The following RC3H1 variants were observed in gnomAD, a reference collection of about 807,000 sequenced individuals.
The protein encoded by RC3H1 is roquin-1.
In RC3H1, 50 loss-of-function variants were observed where a neutral mutation model predicts 138.2. The observed-to-expected ratio is 0.36, with a 90% CI of 0.29 to 0.46. The LOEUF (loss-of-function observed/expected upper bound fraction) is 0.46, where lower values mean the gene tolerates loss of function less well. RC3H1 is among the 20% of genes least tolerant of loss of function. The pLI, the probability that RC3H1 is intolerant of heterozygous loss-of-function variation, is 1.00. For missense variants in RC3H1, 1,031 were observed against 1,388.1 expected (o/e 0.74, Z 4.09); for synonymous variants, 462 against 489.1 (o/e 0.94, Z 0.73).
chr1:173,947,433 C>T lies in RC3H1; in HGVS notation c.2673G>A (p.Gln891=). The part of the protein sequence containing the change: ...AISRTSKTIY[Q]GAGPMQAMAP... ...CCATAGCCTGCATTGGACCAGCACC[C>T]TGATATATAGTTTTGGAAGTTCGTG... The change falls in exon 15 of 20, where the codon CAG becomes CAA. Residue 891 remains glutamine (Q), a synonymous_variant. Coordinates refer to ENST00000367696, the MANE Select transcript of RC3H1 (RefSeq NM_172071.4). 1.2e-6 allele frequency: 2 copies of T among 1,614,046 alleles called. No individual in the cohort carries two copies. The highest frequency in any genetic ancestry group is 2.2e-5 in the South Asian group (2 of 91,068).
In RC3H1 at chr1:174,017,783, C is replaced by CAAAAAAAAAAAAAAAAAAA. The variant is rs61239660; in HGVS notation, c.-151+4294_-151+4312dup. On this transcript the variant is annotated intron_variant, in intron 1 of 19. Transcript: ENST00000367696. Reference sequence around the variant, plus strand: ...ACCCCTTTAGAACTCTTTTCTTGCTCAAAAAAAAAAAAAAAAAAAAAAAAA... The same window carrying CAAAAAAAAAAAAAAAAAAA: ...ACCCCTTTAGAACTCTTTTCTTGCTCAAAAAAAAAAAAAAAAAAAAAAAAAAAAAAAAAAAAAAAAAAAA... Among the ~76,000 whole-genome samples, 16 of 72,032 alleles carry CAAAAAAAAAAAAAAAAAAA rather than the reference C, an allele frequency of 2.2e-4. 1 individual carries two copies. The highest frequency in any genetic ancestry group is 9.1e-4 in the African/African-American group (16 of 17,528). The allele number at this position is 72,032 out of a possible 152,430, so 47.3% of individuals were successfully genotyped here.
At chr1:173,977,559 G>A (rs1006922416) in intron 7 of RC3H1, among the ~76,000 whole-genome samples, 1 of 152,198 alleles carries the variant, frequency 6.6e-6, no homozygotes, top group Non-Finnish European at 1.5e-5. Context: ...CAGAGGACAC[G>A]ATGGGGAATC....
chr1:173,992,452 G>C (rs997289854), intron 2 of RC3H1, among the ~76,000 whole-genome samples: 1 of 151,878 alleles, frequency 6.6e-6, no homozygotes, highest in Non-Finnish European at 1.5e-5. Flanking sequence ...CCGGCCTTAG[G>C]TTTCTCTAGC....
rs1658427216 is a variant in RC3H1, at chr1:173,932,616, A to G, written c.*6105T>C. 1 of 152,144 alleles carries G rather than the reference A, an allele frequency of 6.6e-6. No individual in the cohort carries two copies. Among genetic ancestry groups the G allele is most frequent in the Non-Finnish European group, 1.5e-5 (1 of 67,988 alleles). The allele number at this position is 152,144 out of a possible 1,614,324, so 9.4% of individuals were successfully genotyped here. A position where few individuals can be genotyped will look rare whatever the true frequency, so the allele number is the denominator to read the frequency against. ...GGGAGAAGTGTGAAAATTTAGGCCAACGATCCATCTGGAAAAAATAACTCT... is the reference window on the plus strand; with the variant it reads ...GGGAGAAGTGTGAAAATTTAGGCCAGCGATCCATCTGGAAAAAATAACTCT... On this transcript the variant is annotated 3_prime_UTR_variant, in exon 20 of 20. Transcript: ENST00000367696.
At chr1:173,953,734 A>G (rs1659515476) in intron 13 of RC3H1, among the ~76,000 whole-genome samples, 1 of 152,160 alleles carries the variant, frequency 6.6e-6, no homozygotes, top group Non-Finnish European at 1.5e-5. Flanking sequence ...TTACTAAATG[A>G]TCCTATTAAA....
At chr1:173,957,360 A>C (rs942436321) in intron 13 of RC3H1, among the ~76,000 whole-genome samples, 3 of 152,188 alleles carry the variant, frequency 2.0e-5, no homozygotes, top group Non-Finnish European at 4.4e-5. Context: ...AGGGAGGCTA[A>C]GTAATTTTAA....
At chr1:174,002,188 C>T (rs1481390420) in intron 1 of RC3H1, among the ~76,000 whole-genome samples, 2 of 152,126 alleles carry the variant, frequency 1.3e-5, no homozygotes, top group African/African-American at 2.4e-5. Flanking sequence ...AATATTTTAA[C>T]AAGACTAAAC....
chr1:173,987,337 TAG>T (rs1484616617), intron 2 of RC3H1, among the ~76,000 whole-genome samples: 2 of 152,236 alleles, frequency 1.3e-5, no homozygotes, highest in African/African-American at 4.8e-5. Context: ...TTGTATCGTG[TAG>T]ACTCAAGGAT....
At position 173,992,941 on chromosome 1, in the gene RC3H1, T is replaced by A. The variant is rs751574807; in HGVS notation, c.45A>T (p.Pro15=). Residue 15 remains proline (P), a synonymous_variant, in exon 2 of 20, where the codon CCA becomes CCT. Transcript: ENST00000367696. ...TTTCGTCGAAAGTCTGAGTGCAAAT[T>A]GGGCAGGAGAGGAAATCCGTCCATT... ...APQWTDFLSC[P]ICTQTFDETI... is the part of the protein sequence containing the mutation. The A allele has an allele frequency of 6.2e-7, 1 of 1,614,122 alleles. No homozygotes were observed. Among genetic ancestry groups the A allele is most frequent in the Admixed American group, 1.7e-5 (1 of 60,004 alleles).
At chr1:174,015,057 C>G (rs1661834667) in intron 1 of RC3H1, among the ~76,000 whole-genome samples, 1 of 152,132 alleles carries the variant, frequency 6.6e-6, no homozygotes, top group African/African-American at 2.4e-5. Flanking sequence ...TGACTTTTTT[C>G]CTGCCACCCA....
At chr1:174,008,801 AC>A (rs1226552475) in intron 1 of RC3H1, among the ~76,000 whole-genome samples, 9 of 152,036 alleles carry the variant, frequency 5.9e-5, no homozygotes, top group Non-Finnish European at 1.0e-4. Flanking sequence ...ACATGGCGAA[AC>A]GCCATCTCTA....
intron 2 of RC3H1, among the ~76,000 whole-genome samples, chr1:173,988,568 A>T (rs1157425209): frequency 1.3e-5 from 2 of 152,258 alleles, no homozygotes; most frequent in Non-Finnish European, 2.9e-5. Context: ...CTGTGTAGAC[A>T]TAAATTTTCA....
In RC3H1 at chr1:173,938,433, G is replaced by A. The variant is rs544438316; in HGVS notation, c.*288C>T. 30 of 217,110 alleles carry A rather than the reference G, an allele frequency of 1.4e-4. No individual in the cohort carries two copies. Among genetic ancestry groups the A allele is most frequent in the Middle Eastern group, 1.6e-3 (1 of 622 alleles). 13.4% of individuals were successfully genotyped at this position (217,110 alleles called of 1,614,324 possible). ...TTTTTTAAAGCCCTGGATCCAAGGC[G>A]TCCAAAGTTATTAAAATAAAGTTCA... On this transcript the variant is annotated 3_prime_UTR_variant, in exon 20 of 20. Coordinates refer to ENST00000367696, the MANE Select transcript of RC3H1 (RefSeq NM_172071.4).
At position 173,964,973 on chromosome 1, in the gene RC3H1, T is replaced by C; in HGVS notation, c.1482A>G (p.Pro494=). ...TATTCCCTGTTGATACAATTCCATT[T>C]GGCAGAGCAGGAGGTTTTCTGCTAG... is the stretch of plus-strand genomic sequence containing the variant. ...DLPSRKPPAL[P]NGIVSTGNTV... The change falls in exon 10 of 20, where the codon CCA becomes CCG. Residue 494 remains proline, a synonymous_variant. Coordinates refer to ENST00000367696, the MANE Select transcript of RC3H1 (RefSeq NM_172071.4). 1 of 1,614,178 alleles carries C rather than the reference T, an allele frequency of 6.2e-7. No homozygotes were observed. Among genetic ancestry groups the C allele is most frequent in the Non-Finnish European group, 8.5e-7 (1 of 1,180,034 alleles).
At chr1:174,011,492 G>C (rs974899494) in intron 1 of RC3H1, among the ~76,000 whole-genome samples, 3 of 151,326 alleles carry the variant, frequency 2.0e-5, no homozygotes, top group African/African-American at 7.3e-5. Context: ...CTGAAATCCA[G>C]GTTTTTTTTT....
At chr1:173,985,017 T>C (rs1660966914) in intron 2 of RC3H1, among the ~76,000 whole-genome samples, 1 of 152,220 alleles carries the variant, frequency 6.6e-6, no homozygotes, top group Non-Finnish European at 1.5e-5. Context: ...CGAATCTATT[T>C]TCTATGGATT....
In RC3H1 at chr1:173,936,963, T is replaced by A. The variant is rs1318302512; in HGVS notation, c.*1758A>T. On this transcript the variant is annotated 3_prime_UTR_variant, in exon 20 of 20. Transcript: ENST00000367696. ...TATATATGTATATATATAATATATA[T>A]ATAAATTTTTATTTAAATAAAAAAG... 6.8e-6 allele frequency: 1 copy of A among 147,710 alleles called. No homozygotes were observed. The allele number at this position is 147,710 out of a possible 1,614,324, so 9.1% of individuals were successfully genotyped here. A position where few individuals can be genotyped will look rare whatever the true frequency, so the allele number is the denominator to read the frequency against.
At position 173,995,444 on chromosome 1, in the gene RC3H1, G is replaced by A. The variant is rs138983960; in HGVS notation, c.-150-2309C>T. Reference sequence around the variant, plus strand: ...AGCTACTTGGGAGGCTGAGGCAGGAGAATGGTGTGAACCTGGGAGGCAGAA... The same window carrying A: ...AGCTACTTGGGAGGCTGAGGCAGGAAAATGGTGTGAACCTGGGAGGCAGAA... On this transcript the variant is annotated intron_variant, in intron 1 of 19. Coordinates refer to ENST00000367696, the MANE Select transcript of RC3H1 (RefSeq NM_172071.4). Among the ~76,000 whole-genome samples the A allele has an allele frequency of 5.5e-3, 825 of 151,194 alleles. 3 individuals carry two copies. Among genetic ancestry groups the A allele is most frequent in the Admixed American group, 8.5e-3 (129 of 15,164 alleles).
chr1:173,979,153 C>G (rs1019844333), intron 6 of RC3H1, among the ~76,000 whole-genome samples: 1 of 152,196 alleles, frequency 6.6e-6, no homozygotes. Context: ...ATACACAGAA[C>G]ATTTTCATGA....
Sources: allele counts gnomAD v4.1 joint callset (sites outside exome capture counted in the v4.1 genomes callset), GRCh38; gene constraint gnomAD v4.1.1; transcripts MANE v1.5; gene names NCBI Gene and HGNC (gene_info 2026-07-23, HGNC 2026-07-21).